The following ZDHHC2 variants were observed in gnomAD, a reference collection of about 807,000 sequenced individuals.
ZDHHC2 encodes zDHHC palmitoyltransferase 2.
In ZDHHC2, 51 loss-of-function variants were observed where a neutral mutation model predicts 55.6. The ratio of observed to expected loss-of-function variants is 0.92; its 90% confidence interval spans 0.73 to 1.16. The LOEUF is 1.16. Ranked by LOEUF, ZDHHC2 falls within the 50% of genes most tolerant of loss-of-function variation. The pLI, the probability that ZDHHC2 is intolerant of heterozygous loss-of-function variation, is 0.00. For synonymous variants in ZDHHC2, 199 were observed against 152.9 expected, an observed-to-expected ratio of 1.30 and a Z score of -2.22; for missense variants, 491 against 442.4, an observed-to-expected ratio of 1.11 and a Z score of -0.99.
At chr8:17,162,570 G>C (rs1229680090) in intron 1 of ZDHHC2, among the ~76,000 whole-genome samples, 2 of 152,170 alleles carry the variant, frequency 1.3e-5, no homozygotes, top group African/African-American at 4.8e-5. Flanking sequence ...TTGAGGGCTT[G>C]AGTAGGGTTC....
chr8:17,160,960 T>G (rs1016163072), intron 1 of ZDHHC2, among the ~76,000 whole-genome samples: 1 of 152,268 alleles, frequency 6.6e-6, no homozygotes, highest in Non-Finnish European at 1.5e-5. Flanking sequence ...GAGGTTTTAC[T>G]CGCAGTTTTG....
intron 4 of ZDHHC2, among the ~76,000 whole-genome samples, 153 bp downstream of exon 4, chr8:17,195,777 T>G (rs573850618): frequency 6.6e-6 from 1 of 152,238 alleles, no homozygotes; most frequent in South Asian, 2.1e-4. Context: ...TCCTGTGTGA[T>G]TCCATAAAAC....
Position 17,210,449 on chromosome 8 carries a change from A to T in ZDHHC2, c.919A>T (p.Thr307Ser). Reference sequence around the variant, plus strand: ...TAACCAGGATCCTGAACAAGCATCTACTCCTGCAGGGCTGAATTCCACAGC... The same window carrying T: ...TAACCAGGATCCTGAACAAGCATCTTCTCCTGCAGGGCTGAATTCCACAGC... ...LVNQDPEQAS[T>S]PAGLNSTAKN... The change falls in exon 10 of 13, where the codon ACT (threonine) becomes TCT (serine). Residue 307 changes from threonine (T) to serine (S), a missense_variant. Physicochemically the swap from Thr to Ser is moderately conservative, Grantham distance 58. Coordinates refer to ENST00000262096, the MANE Select transcript of ZDHHC2 (RefSeq NM_016353.5). The T allele has an allele frequency of 6.2e-7, 1 of 1,612,122 alleles. No homozygotes were observed. The highest frequency in any genetic ancestry group is 8.5e-7 in the Non-Finnish European group (1 of 1,179,094).
Position 17,199,586 on chromosome 8 carries a change from T to TG in ZDHHC2, c.476+1173_476+1174insG, listed in dbSNP as rs1563161539. On this transcript the variant is annotated intron_variant, in intron 6 of 12. Transcript: ENST00000262096. ...CTTCTTCGTCTTTGTCTTCTTCTTC[T>TG]TCTTTCTTCTTCTTTATTCTTTCTT... Among the ~76,000 whole-genome samples the TG allele has an allele frequency of 1.0e-3, 63 of 60,086 alleles. 2 individuals are homozygous for TG. The highest frequency in any genetic ancestry group is 3.2e-3 in the Non-Finnish European group (51 of 15,894). 39.4% of individuals were successfully genotyped at this position (60,086 alleles called of 152,430 possible).
chr8:17,184,873 T>C (rs1315209658), intron 2 of ZDHHC2, 58 bp downstream of exon 2: 3 of 1,410,656 alleles, frequency 2.1e-6, no homozygotes, highest in Non-Finnish European at 2.9e-6. Context: ...AAAAATTGTA[T>C]TCACTTAGAT....
intron 1 of ZDHHC2, among the ~76,000 whole-genome samples, chr8:17,160,365 T>C (rs1273714333): frequency 2.0e-5 from 3 of 152,242 alleles, no homozygotes; most frequent in Non-Finnish European, 4.4e-5. Context: ...TGCGCAGTCA[T>C]GTAGTTCTGA....
intron 11 of ZDHHC2, 39 bp downstream of exon 11, chr8:17,215,388 T>C (rs1807602371): frequency 6.6e-7 from 1 of 1,510,614 alleles, no homozygotes; most frequent in Admixed American, 2.0e-5. Flanking sequence ...TGACATATTT[T>C]ATTTTTAGAA....
At chr8:17,161,255 A>G (rs558787528) in intron 1 of ZDHHC2, among the ~76,000 whole-genome samples, 10 of 152,328 alleles carry the variant, frequency 6.6e-5, no homozygotes, top group Admixed American at 4.6e-4. Context: ...TACACAGAAG[A>G]AGAAATGTTT....
At chr8:17,162,936 T>C (rs1388716611) in intron 1 of ZDHHC2, 1 of 152,184 alleles carries the variant, frequency 6.6e-6, no homozygotes, top group Non-Finnish European at 1.5e-5. Flanking sequence ...TTACCACATA[T>C]ATTTAGTGGT....
chr8:17,172,655 G>C (rs78893821), intron 1 of ZDHHC2, among the ~76,000 whole-genome samples: 5,485 of 152,266 alleles, frequency 0.036, 144 homozygotes, highest in Non-Finnish European at 0.052. Context: ...TTTTATAAAC[G>C]TAAGGATTAA....
chr8:17,210,529 A>G (rs1165005943), intron 10 of ZDHHC2, 49 bp downstream of exon 10: 9 of 1,484,344 alleles, frequency 6.1e-6, no homozygotes, highest in Non-Finnish European at 8.2e-6. Flanking sequence ...ATATTTTACC[A>G]TATTGTGTCT....
intron 1 of ZDHHC2, among the ~76,000 whole-genome samples, chr8:17,167,340 C>G (rs1160798564): frequency 7.9e-6 from 1 of 126,852 alleles, no homozygotes; most frequent in Non-Finnish European, 1.6e-5. Context: ...CAGTCTCGCT[C>G]TGTCAGCCAG....
At chr8:17,204,674 A>G (rs1442895711) in intron 6 of ZDHHC2, among the ~76,000 whole-genome samples, 2 of 152,122 alleles carry the variant, frequency 1.3e-5, no homozygotes, top group Non-Finnish European at 2.9e-5. Context: ...GGAGGGTGGG[A>G]GGAGGAAGAA....
At chr8:17,174,588 C>G (rs921316247) in intron 1 of ZDHHC2, among the ~76,000 whole-genome samples, 1 of 151,998 alleles carries the variant, frequency 6.6e-6, no homozygotes, top group East Asian at 1.9e-4. Context: ...GATCTAGAGG[C>G]CAAAGCACAG....
In ZDHHC2 at chr8:17,217,234, A is replaced by G. The variant is rs1281534163; in HGVS notation, c.*22A>G. On this transcript the variant is annotated 3_prime_UTR_variant, in exon 12 of 13. Transcript: ENST00000262096. Reference sequence around the variant, plus strand: ...TTAACTCTTCAAGCAAGATAAATTCATACTTTATAAAAGTACGATAATTTT... The same window carrying G: ...TTAACTCTTCAAGCAAGATAAATTCGTACTTTATAAAAGTACGATAATTTT... The G allele has an allele frequency of 4.4e-6, 7 of 1,601,216 alleles. No homozygotes were observed. The highest frequency in any genetic ancestry group is 5.1e-6 in the Non-Finnish European group (6 of 1,172,032).
chr8:17,187,289 G>A (rs1030742069), intron 3 of ZDHHC2, among the ~76,000 whole-genome samples: 5 of 152,146 alleles, frequency 3.3e-5, no homozygotes, highest in African/African-American at 9.7e-5. Flanking sequence ...CTGGTTAAAC[G>A]TTCTTGGAGC....
At chr8:17,185,920 A>G (rs1292729912) in intron 2 of ZDHHC2, among the ~76,000 whole-genome samples, 2 of 152,216 alleles carry the variant, frequency 1.3e-5, no homozygotes, top group African/African-American at 4.8e-5. Context: ...TCAAATAGGA[A>G]CTGCCTTTGT....
intron 2 of ZDHHC2, 72 bp downstream of exon 2, chr8:17,184,887 G>T: frequency 2.3e-6 from 3 of 1,330,250 alleles, no homozygotes; most frequent in Non-Finnish European, 3.1e-6. Context: ...CTTAGATTTG[G>T]TTGGGATTAA....
intron 3 of ZDHHC2, among the ~76,000 whole-genome samples, chr8:17,194,474 T>C (rs182744945): frequency 6.6e-6 from 1 of 151,882 alleles, no homozygotes; most frequent in East Asian, 1.9e-4. Context: ...ATCTCTGCTG[T>C]GCATCTCCCA....
Sources: allele counts gnomAD v4.1 joint callset (sites outside exome capture counted in the v4.1 genomes callset), GRCh38; gene constraint gnomAD v4.1.1; transcripts MANE v1.5; gene names NCBI Gene and HGNC (gene_info 2026-07-23, HGNC 2026-07-21).